The following WASF2 variants were observed in gnomAD, a reference collection of about 807,000 sequenced individuals.
The protein encoded by WASF2 is actin-binding protein WASF2.
A neutral mutation model predicts 45.0 loss-of-function variants in WASF2; 14 were observed. That is an observed-to-expected ratio of 0.31 (90% confidence interval 0.21 to 0.49). The LOEUF is 0.49. WASF2 is among the 20% of genes least tolerant of loss of function. WASF2 has a pLI of 0.99. For missense variants in WASF2, 439 were observed against 636.1 expected, an observed-to-expected ratio of 0.69 and a Z score of 3.33; for synonymous variants, 200 against 236.3, an observed-to-expected ratio of 0.85 and a Z score of 1.41.
rs907518225 is a variant in WASF2, at chr1:27,448,502, T to C, written c.-43-19569A>G. On this transcript the variant is annotated intron_variant, in intron 1 of 8. Coordinates refer to ENST00000618852, the MANE Select transcript of WASF2 (RefSeq NM_006990.5). ...AATAGTAAAACACTAACACCGAACA[T>C]TGGACAAATGGAAACACTTCTACTG... 3.3e-5 allele frequency among the ~76,000 whole-genome samples: 5 copies of C among 152,166 alleles called. No homozygotes were observed. The South Asian group carries it at 6.2e-4, about 19-fold the overall frequency.
At chr1:27,462,723 T>C (rs2017563152) in intron 1 of WASF2, among the ~76,000 whole-genome samples, 2 of 152,242 alleles carry the variant, frequency 1.3e-5, no homozygotes, top group Admixed American at 1.3e-4. Flanking sequence ...TGGAGATTAA[T>C]AATAGCACCT....
chr1:27,487,785 ATTC>A (rs894128407), intron 1 of WASF2, among the ~76,000 whole-genome samples: 25 of 136,378 alleles, frequency 1.8e-4, no homozygotes, highest in Admixed American at 3.4e-4. Context: ...TTTATTTTAT[ATTC>A]TTATTATGTT....
At chr1:27,462,139 G>A (rs1030113415) in intron 1 of WASF2, among the ~76,000 whole-genome samples, 9 of 151,662 alleles carry the variant, frequency 5.9e-5, no homozygotes, top group Admixed American at 1.3e-4. Flanking sequence ...CACCGTTCCC[G>A]GCGAATTTTT....
chr1:27,487,964 A>G (rs924426383), intron 1 of WASF2, among the ~76,000 whole-genome samples: 1 of 151,722 alleles, frequency 6.6e-6, no homozygotes, highest in Non-Finnish European at 1.5e-5. Context: ...ACAAATTACA[A>G]TTGACTTTTT....
At chr1:27,478,221 A>T (rs1482157990) in intron 1 of WASF2, among the ~76,000 whole-genome samples, 3 of 152,078 alleles carry the variant, frequency 2.0e-5, no homozygotes, top group African/African-American at 7.2e-5. Context: ...CAAAAAAAAT[A>T]AAAAAGGAAA....
intron 1 of WASF2, among the ~76,000 whole-genome samples, chr1:27,457,653 C>T (rs867823516): frequency 4.0e-5 from 6 of 148,732 alleles, no homozygotes; most frequent in Non-Finnish European, 8.9e-5. Context: ...CGGGGTCTTA[C>T]TCTGTTGCCC....
intron 1 of WASF2, among the ~76,000 whole-genome samples, chr1:27,439,754 C>T (rs905968497): frequency 6.6e-6 from 1 of 152,072 alleles, no homozygotes; most frequent in Non-Finnish European, 1.5e-5. Context: ...AATCCCAGCA[C>T]TTTGGGAGGC....
intron 1 of WASF2, among the ~76,000 whole-genome samples, chr1:27,454,187 ATTTTTTTTTTT>A (rs869057863): frequency 2.3e-4 from 3 of 12,774 alleles, no homozygotes; most frequent in African/African-American, 6.2e-4. Flanking sequence ...ATATATATAT[ATTTTTTTTTTT>A]TTTTTTTTTT....
At chr1:27,451,785 C>G (rs2017386871) in intron 1 of WASF2, among the ~76,000 whole-genome samples, 1 of 152,214 alleles carries the variant, frequency 6.6e-6, no homozygotes, top group Non-Finnish European at 1.5e-5. Flanking sequence ...AATTAAATTA[C>G]AGTAGTCACC....
chr1:27,473,299 T>G (rs2017717930), intron 1 of WASF2, among the ~76,000 whole-genome samples: 1 of 151,168 alleles, frequency 6.6e-6, no homozygotes. Flanking sequence ...GCTAACATGG[T>G]GAAACCCCGT....
At chr1:27,432,547 C>T (rs1353190613) in intron 1 of WASF2, among the ~76,000 whole-genome samples, 1 of 141,784 alleles carries the variant, frequency 7.1e-6, no homozygotes. Flanking sequence ...ACTCGGGAGG[C>T]TGAGGCAGGA....
intron 1 of WASF2, among the ~76,000 whole-genome samples, chr1:27,442,947 C>T (rs1367882931): frequency 5.6e-5 from 8 of 141,948 alleles, no homozygotes; most frequent in Non-Finnish European, 1.2e-4. Flanking sequence ...GCCAAAACTG[C>T]GCCACTGCCC....
In WASF2 at chr1:27,407,956, A is replaced by C; in HGVS notation, c.*233T>G. 2.2e-6 allele frequency: 1 copy of C among 450,970 alleles called. No individual in the cohort carries two copies. The highest frequency in any genetic ancestry group is 3.7e-5 in the East Asian group (1 of 27,246). The allele number at this position is 450,970 out of a possible 1,614,324, so 27.9% of individuals were successfully genotyped here. On this transcript the variant is annotated 3_prime_UTR_variant, in exon 9 of 9. Coordinates refer to ENST00000618852, the MANE Select transcript of WASF2 (RefSeq NM_006990.5). ...AACAGGCACTTGAAGGAAAGAGGGA[A>C]CATCCCAGCTACTGAACCTCAGGAG...
intron 1 of WASF2, among the ~76,000 whole-genome samples, chr1:27,458,977 T>G (rs2017510428): frequency 6.6e-6 from 1 of 151,232 alleles, no homozygotes; most frequent in Non-Finnish European, 1.5e-5. Flanking sequence ...AATACAAAAA[T>G]TAGCCAGGTG....
At chr1:27,482,967 A>G (rs1389239064) in intron 1 of WASF2, among the ~76,000 whole-genome samples, 1 of 152,186 alleles carries the variant, frequency 6.6e-6, no homozygotes, top group Non-Finnish European at 1.5e-5. Flanking sequence ...ATTGGCAACC[A>G]GGGATGCTGC....
At chr1:27,431,525 G>A (rs1209483878) in intron 1 of WASF2, among the ~76,000 whole-genome samples, 1 of 152,146 alleles carries the variant, frequency 6.6e-6, no homozygotes, top group Admixed American at 6.5e-5. Flanking sequence ...AGGAATGACT[G>A]GAAACAGCCA....
At chr1:27,417,061 A>G (rs1349776167) in intron 4 of WASF2, among the ~76,000 whole-genome samples, 4 of 152,184 alleles carry the variant, frequency 2.6e-5, no homozygotes, top group African/African-American at 9.7e-5. Context: ...AGTTAGATAC[A>G]CCACCACTCA....
At chr1:27,446,312 G>A (rs2017309230) in intron 1 of WASF2, among the ~76,000 whole-genome samples, 1 of 152,028 alleles carries the variant, frequency 6.6e-6, no homozygotes, top group South Asian at 2.1e-4. Context: ...ATTTTACAGG[G>A]ACCGCAAAGA....
Position 27,416,089 on chromosome 1 carries a change from C to T in WASF2, c.433G>A (p.Glu145Lys). Residue 145 changes from glutamate (E) to lysine (K), a missense_variant, in exon 5 of 9, where the codon GAG becomes AAG. Glu to Lys is a moderately conservative substitution (Grantham distance 56, BLOSUM62 1). This residue lies in a region of WASF2 where 98 missense variants were observed against 120.7 expected (regional missense o/e 0.81). Transcript: ENST00000618852. ...NLTPYRDDGK[E>K]ALKFYTDPSY... ...GGGTCTGTGTAGAATTTGAGTGCCT[C>T]TTTTCCATCGTCCCTGGGATAGAAA... The T allele has an allele frequency of 6.2e-7, 1 of 1,614,026 alleles. No individual in the cohort carries two copies.
Sources: gnomAD v4.1 joint callset for allele counts (sites outside exome capture counted in the v4.1 genomes callset) on GRCh38, gnomAD v4.1.1 for gene constraint, gnomAD v4.1.1 regional missense constraint, MANE v1.5 for transcripts, NCBI Gene and HGNC (gene_info 2026-07-23, HGNC 2026-07-21) for gene names.